MYT1L: variants seen among roughly 807,000 people sequenced by gnomAD.
The protein encoded by MYT1L is myelin transcription factor 1-like protein.
MYT1L carries 12 observed loss-of-function variants against 126.7 expected under a neutral mutation model. The ratio of observed to expected loss-of-function variants is 0.09; its 90% CI spans 0.06 to 0.15. The LOEUF is 0.15. Among genes scored for constraint, MYT1L ranks in the 10% least tolerant of loss-of-function variants. The pLI, the probability that MYT1L is intolerant of heterozygous loss-of-function variation, is 1.00. For synonymous variants in MYT1L, 541 were observed against 604.2 expected (o/e 0.90, Z 1.53); for missense variants, 979 against 1,585.2 (o/e 0.62, Z 6.49).
At chr2:2,208,323 T>C (rs2093385539) in intron 2 of MYT1L, among the ~76,000 whole-genome samples, 2 of 152,208 alleles carry the variant, frequency 1.3e-5, no homozygotes, top group South Asian at 4.1e-4. Flanking sequence ...CCATGAAATG[T>C]GGCGGTAAAC....
chr2:1,832,424 C>T (rs1193648029), intron 21 of MYT1L, among the ~76,000 whole-genome samples: 1 of 152,226 alleles, frequency 6.6e-6, no homozygotes, highest in Admixed American at 6.5e-5. Context: ...GCGTTCAAGG[C>T]TTCATTCTTT....
intron 3 of MYT1L, among the ~76,000 whole-genome samples, chr2:2,098,647 C>T (rs552593210): frequency 1.3e-5 from 2 of 152,282 alleles, no homozygotes; most frequent in East Asian, 3.9e-4. Flanking sequence ...GGCAGCTCCA[C>T]AGCAAAGAAT....
At chr2:2,003,792 G>A (rs1224774468) in intron 4 of MYT1L, among the ~76,000 whole-genome samples, 4 of 152,186 alleles carry the variant, frequency 2.6e-5, no homozygotes, top group Non-Finnish European at 5.9e-5. Flanking sequence ...TCTCCCCTCA[G>A]CCTCTGGGAG....
chr2:1,900,215 C>G (rs6737433), intron 14 of MYT1L, among the ~76,000 whole-genome samples: 46,544 of 152,036 alleles, frequency 0.31, 8,210 homozygotes, highest in African/African-American at 0.49. Context: ...CCTACCTGGT[C>G]CCCAGGAGTG....
chr2:1,828,320 T>G (rs1349969794), intron 21 of MYT1L: 1 of 152,128 alleles, frequency 6.6e-6, no homozygotes, highest in East Asian at 1.9e-4. Context: ...AGGTGACATC[T>G]TGGGGCAGGA....
At chr2:2,046,797 T>A (rs1252882825) in intron 4 of MYT1L, among the ~76,000 whole-genome samples, 1 of 152,228 alleles carries the variant, frequency 6.6e-6, no homozygotes, top group Non-Finnish European at 1.5e-5. Context: ...GGATACACCC[T>A]TTCTGAGCTT....
intron 3 of MYT1L, among the ~76,000 whole-genome samples, chr2:2,125,997 T>C (rs755176510): frequency 2.0e-5 from 3 of 152,220 alleles, no homozygotes; most frequent in Admixed American, 6.5e-5. Context: ...ATTCTCATTA[T>C]CACCCAGATC....
At chr2:2,010,547 G>C (rs956492202) in intron 4 of MYT1L, among the ~76,000 whole-genome samples, 3 of 152,008 alleles carry the variant, frequency 2.0e-5, no homozygotes, top group Non-Finnish European at 4.4e-5. Context: ...TCATTATATT[G>C]GATCAAGTCT....
intron 3 of MYT1L, among the ~76,000 whole-genome samples, chr2:2,125,052 C>T (rs1165836440): frequency 6.6e-6 from 1 of 152,168 alleles, no homozygotes; most frequent in Non-Finnish European, 1.5e-5. Context: ...AATGTATAAC[C>T]ATTAGAGAAA....
At chr2:2,223,447 T>C (rs2093930981) in intron 2 of MYT1L, among the ~76,000 whole-genome samples, 1 of 152,244 alleles carries the variant, frequency 6.6e-6, no homozygotes, top group African/African-American at 2.4e-5. Flanking sequence ...GTCAGATTTA[T>C]AGACTTCTTA....
intron 13 of MYT1L, among the ~76,000 whole-genome samples, chr2:1,909,658 G>A (rs1328890379): frequency 6.6e-6 from 1 of 152,182 alleles, no homozygotes; most frequent in Non-Finnish European, 1.5e-5. Flanking sequence ...TTGACCCACT[G>A]TAACATTCGG....
At chr2:1,904,855 G>A (rs79618193) in intron 13 of MYT1L, among the ~76,000 whole-genome samples, 3,728 of 150,230 alleles carry the variant, frequency 0.025, 80 homozygotes, top group South Asian at 0.061. Context: ...GTGCAGTGGT[G>A]CGATCTCGGC....
chr2:2,220,007 G>A (rs1439355424), intron 2 of MYT1L, among the ~76,000 whole-genome samples: 1 of 152,154 alleles, frequency 6.6e-6, no homozygotes, highest in African/African-American at 2.4e-5. Flanking sequence ...AGTCAAGAAG[G>A]GACACAGGAC....
chr2:2,015,401 C>T (rs1230167627), intron 4 of MYT1L, among the ~76,000 whole-genome samples: 3 of 152,160 alleles, frequency 2.0e-5, no homozygotes, highest in African/African-American at 7.2e-5. Flanking sequence ...ATAAGGAAGC[C>T]ATGGCTATGG....
chr2:1,791,855 T>A lies in MYT1L; in HGVS notation c.*12A>T. 6.3e-7 allele frequency: 1 copy of A among 1,576,014 alleles called. No individual in the cohort carries two copies. The highest frequency in any genetic ancestry group is 1.2e-5 in the South Asian group (1 of 83,160). On this transcript the variant is annotated 3_prime_UTR_variant, in exon 25 of 25. Transcript: ENST00000647738. This position sits in a 1 kb window ranked among gnomAD's most constrained non-coding sequence, Gnocchi z 6.0. The stretch of plus-strand genomic sequence containing the variant: ...CCTTTTTAAGCAAGAGTTTCATCAC[T>A]ACAGCAGCTGTTCAGACCTGAATTC...
chr2:2,171,004 C>T (rs2089976420), intron 3 of MYT1L, among the ~76,000 whole-genome samples: 1 of 152,132 alleles, frequency 6.6e-6, no homozygotes, highest in East Asian at 1.9e-4. Flanking sequence ...TCTGGAGGCC[C>T]CTGGAGACCT....
At chr2:1,864,171 G>T (rs2045125743) in intron 18 of MYT1L, among the ~76,000 whole-genome samples, 1 of 152,216 alleles carries the variant, frequency 6.6e-6, no homozygotes, top group African/African-American at 2.4e-5. Context: ...ATTCCAGGAG[G>T]CTTCCACGGC....
intron 9 of MYT1L, among the ~76,000 whole-genome samples, chr2:1,942,486 A>G (rs1182435138): frequency 6.6e-6 from 1 of 152,162 alleles, no homozygotes; most frequent in Non-Finnish European, 1.5e-5. Flanking sequence ...CCATCACTCA[A>G]GCAAAGCTTT....
intron 4 of MYT1L, among the ~76,000 whole-genome samples, chr2:2,037,653 G>T (rs1039575459): frequency 3.3e-5 from 5 of 151,850 alleles, no homozygotes; most frequent in South Asian, 2.1e-4. Context: ...CTACTTGGGA[G>T]GCTGAGTCAG....
Sources: gnomAD v4.1 joint callset for allele counts (sites outside exome capture counted in the v4.1 genomes callset) on GRCh38, gnomAD v4.1.1 for gene constraint, Gnocchi (gnomAD v3.1) non-coding constraint, MANE v1.5 for transcripts, NCBI Gene and HGNC (gene_info 2026-07-23, HGNC 2026-07-21) for gene names.